The following JARID2 variants were observed in gnomAD, a reference collection of about 807,000 sequenced individuals.
JARID2 encodes the protein jumonji and AT-rich interaction domain containing 2.
A neutral mutation model predicts 125.6 loss-of-function variants in JARID2; 21 were observed. The ratio of observed to expected loss-of-function variants is 0.17; its 90% confidence interval spans 0.12 to 0.24. JARID2 has a LOEUF of 0.24. Ranked by LOEUF, JARID2 falls within the 10% of genes least tolerant of loss-of-function variation. JARID2 has a pLI of 1.00. For synonymous variants in JARID2, 736 were observed against 661.6 expected (o/e 1.11, Z -1.73); for missense variants, 1,303 against 1,639.6 (o/e 0.79, Z 3.55).
chr6:15,510,599 G>A (rs1443021981), intron 12 of JARID2, among the ~76,000 whole-genome samples: 1 of 152,220 alleles, frequency 6.6e-6, no homozygotes, highest in African/African-American at 2.4e-5. Flanking sequence ...AGAGGCCTAT[G>A]AGCCCTTGAT....
chr6:15,264,204 CAT>C (rs1360885823), intron 1 of JARID2, among the ~76,000 whole-genome samples: 4 of 152,142 alleles, frequency 2.6e-5, no homozygotes, highest in African/African-American at 9.7e-5. Context: ...TGTAGGAGCA[CAT>C]GTCTTGGTGT....
intron 3 of JARID2, among the ~76,000 whole-genome samples, chr6:15,429,464 G>A (rs1268337976): frequency 6.6e-6 from 1 of 152,120 alleles, no homozygotes; most frequent in Non-Finnish European, 1.5e-5. Flanking sequence ...TTGGGTCTCA[G>A]TGTGTTGCCT....
intron 4 of JARID2, among the ~76,000 whole-genome samples, chr6:15,453,043 C>T (rs1362700558): frequency 6.6e-6 from 1 of 152,138 alleles, no homozygotes; most frequent in Non-Finnish European, 1.5e-5. Flanking sequence ...TTAAGTTAAC[C>T]TTAAAAAGTT....
At chr6:15,447,108 C>T (rs1401692344) in intron 3 of JARID2, among the ~76,000 whole-genome samples, 1 of 152,192 alleles carries the variant, frequency 6.6e-6, no homozygotes, top group Non-Finnish European at 1.5e-5. Flanking sequence ...TCTTTTAATT[C>T]ACATACACGC....
chr6:15,423,424 T>C (rs1403847475), intron 3 of JARID2, among the ~76,000 whole-genome samples: 1 of 152,180 alleles, frequency 6.6e-6, no homozygotes, highest in Non-Finnish European at 1.5e-5. Flanking sequence ...AGGATTAATA[T>C]AGGAGGTAGA....
intron 1 of JARID2, among the ~76,000 whole-genome samples, chr6:15,301,479 G>A (rs1761622059): frequency 6.6e-6 from 1 of 152,054 alleles, no homozygotes; most frequent in East Asian, 1.9e-4. Context: ...ACTAGAAGTG[G>A]CGTTTATTTA....
At chr6:15,247,694 T>C (rs1189015442) in intron 1 of JARID2, 1 of 985,186 alleles carries the variant, frequency 1.0e-6, no homozygotes, top group Non-Finnish European at 1.2e-6. Context: ...ACTGGTTTTG[T>C]AAAAAAATAT....
In JARID2 at chr6:15,374,139, G is replaced by C; in HGVS notation, c.68G>C (p.Trp23Ser). Reference protein sequence around the residue: ...KKYDDSDGIPWSEERVVRKVL... With the variant: ...KKYDDSDGIPSSEERVVRKVL... ...CAGGATGACAGTGATGGGATTCCGTGGTCAGAAGAACGGGTGGTACGTAAA... is the reference window on the plus strand; with the variant it reads ...CAGGATGACAGTGATGGGATTCCGTCGTCAGAAGAACGGGTGGTACGTAAA... The change falls in exon 2 of 18, where the codon TGG becomes TCG. Residue 23 changes from tryptophan (W) to serine (S), a missense_variant. Transcript: ENST00000341776. The C allele has an allele frequency of 6.2e-7, 1 of 1,614,032 alleles. No individual in the cohort carries two copies. Among genetic ancestry groups the C allele is most frequent in the Non-Finnish European group, 8.5e-7 (1 of 1,179,926 alleles).
intron 1 of JARID2, chr6:15,324,406 A>G (rs970264907): frequency 2.0e-5 from 3 of 152,124 alleles, no homozygotes; most frequent in Non-Finnish European, 4.4e-5. Flanking sequence ...TGTCATCTTT[A>G]TACGGGGGCC....
At chr6:15,298,162 T>C (rs1171116419) in intron 1 of JARID2, among the ~76,000 whole-genome samples, 1 of 152,234 alleles carries the variant, frequency 6.6e-6, no homozygotes, top group Non-Finnish European at 1.5e-5. Context: ...CAAAATTGCA[T>C]TTGAATTGTA....
chr6:15,262,752 A>G (rs1385601666), intron 1 of JARID2, among the ~76,000 whole-genome samples: 1 of 151,874 alleles, frequency 6.6e-6, no homozygotes, highest in South Asian at 2.1e-4. Flanking sequence ...TGGCCAGGCT[A>G]GTCTTGAACT....
intron 4 of JARID2, among the ~76,000 whole-genome samples, chr6:15,468,242 TTTA>T (rs1238996382): frequency 1.3e-5 from 2 of 151,948 alleles, no homozygotes; most frequent in Non-Finnish European, 2.9e-5. Flanking sequence ...GTGTTTTTAT[TTTA>T]TTATTTTTTT....
At chr6:15,400,895 C>G in intron 2 of JARID2, 1 of 1,288,576 alleles carries the variant, frequency 7.8e-7, no homozygotes, top group Non-Finnish European at 1.0e-6. Context: ...CTCTTCCTCC[C>G]TCCCTCCCTC....
At chr6:15,414,464 G>T (rs1156835209) in intron 3 of JARID2, among the ~76,000 whole-genome samples, 2 of 152,082 alleles carry the variant, frequency 1.3e-5, no homozygotes, top group Non-Finnish European at 1.5e-5. Context: ...TGAGGGTTTT[G>T]GAGTTTCCTC....
Position 15,473,817 on chromosome 6 carries a change from C to T in JARID2, c.670+5099C>T, listed in dbSNP as rs147757492. Among the ~76,000 whole-genome samples, 262 of 152,274 alleles carry T rather than the reference C, an allele frequency of 1.7e-3. 1 individual carries two copies. The highest frequency in any genetic ancestry group is 2.9e-3 in the Non-Finnish European group (197 of 68,026). Reference sequence around the variant, plus strand: ...TTGGAAGCCAAAGAGTAACAATCCACAGGATGTCAGTGCTTCCTTATGACG... The same window carrying T: ...TTGGAAGCCAAAGAGTAACAATCCATAGGATGTCAGTGCTTCCTTATGACG... On this transcript the variant is annotated intron_variant, in intron 5 of 17. Coordinates refer to ENST00000341776, the MANE Select transcript of JARID2 (RefSeq NM_004973.4).
At chr6:15,517,092 C>T (rs1309861874) in intron 16 of JARID2, 69 bp from the exon 17 acceptor site, 5 of 1,216,648 alleles carry the variant, frequency 4.1e-6, no homozygotes, top group Non-Finnish European at 6.1e-6. Context: ...CGGGCGTGCT[C>T]CTACCTTACC....
chr6:15,274,559 T>G (rs1046700349), intron 1 of JARID2, among the ~76,000 whole-genome samples: 1 of 152,216 alleles, frequency 6.6e-6, no homozygotes, highest in African/African-American at 2.4e-5. Flanking sequence ...TTCAGATAAT[T>G]TAACACAGGC....
At chr6:15,273,978 G>C (rs1195224697) in intron 1 of JARID2, among the ~76,000 whole-genome samples, 1 of 150,578 alleles carries the variant, frequency 6.6e-6, no homozygotes, top group African/African-American at 2.4e-5. Flanking sequence ...ACCCAGGCTG[G>C]AGTGCAGTGG....
chr6:15,396,546 G>A (rs11968404), intron 2 of JARID2, among the ~76,000 whole-genome samples: 3,074 of 152,148 alleles, frequency 0.02, 104 homozygotes, highest in African/African-American at 0.069. Flanking sequence ...AATACCCTCC[G>A]TGTATGCCTG....
Sources: gnomAD v4.1 joint callset for allele counts (sites outside exome capture counted in the v4.1 genomes callset) on GRCh38, gnomAD v4.1.1 for gene constraint, MANE v1.5 for transcripts, NCBI Gene and HGNC (gene_info 2026-07-23, HGNC 2026-07-21) for gene names.